Variants in COL5A2 observed in about 807,000 individuals in gnomAD.
The protein encoded by COL5A2 is collagen type V alpha 2 chain.
A neutral mutation model predicts 208.2 loss-of-function variants in COL5A2; 23 were observed. That is an observed-to-expected ratio of 0.11 (90% CI 0.08 to 0.16). COL5A2 has a LOEUF of 0.16. Among genes scored for constraint, COL5A2 ranks in the 10% least tolerant of loss-of-function variants. The pLI is 1.00. For synonymous variants in COL5A2, 625 were observed against 628.5 expected (o/e 0.99, Z 0.08); for missense variants, 1,590 against 1,956.4 (o/e 0.81, Z 3.53).
the COL5A2 span, among the ~76,000 whole-genome samples, chr2:189,351,700 A>T: frequency 6.6e-6 from 1 of 152,212 alleles, no homozygotes; most frequent in Non-Finnish European, 1.5e-5. Flanking sequence ...ACAAAAAGTG[A>T]GATTTTGAGG....
chr2:189,339,783 T>C, the COL5A2 span, among the ~76,000 whole-genome samples: 1 of 152,200 alleles, frequency 6.6e-6, no homozygotes, highest in Admixed American at 6.5e-5. Flanking sequence ...CATCTCATTG[T>C]CCAGATGCAG....
the COL5A2 span, among the ~76,000 whole-genome samples, chr2:189,273,997 T>C: frequency 0.14 from 21,362 of 151,746 alleles, 1,919 homozygotes; most frequent in South Asian, 0.2. Flanking sequence ...CAATTTTAAG[T>C]ATTCTTACCA....
At chr2:189,091,946 C>T (rs1576520903) in intron 7 of COL5A2, among the ~76,000 whole-genome samples, 2 of 152,162 alleles carry the variant, frequency 1.3e-5, no homozygotes, top group East Asian at 1.9e-4. Context: ...GTGGAGGATA[C>T]GGAGCAGATT....
intron 42 of COL5A2, 101 bp from the exon 43 acceptor site, chr2:189,050,777 G>T: frequency 3.1e-6 from 3 of 972,194 alleles, no homozygotes; most frequent in Non-Finnish European, 4.7e-6. Context: ...TTTTCAGTAT[G>T]AAAAAGAAGT....
the COL5A2 span, among the ~76,000 whole-genome samples, chr2:189,364,804 C>T: frequency 6.6e-6 from 1 of 152,024 alleles, no homozygotes; most frequent in African/African-American, 2.4e-5. Flanking sequence ...AAACTGCCAA[C>T]GTCATCAAAA....
At chr2:189,112,738 C>T (rs12693528) in intron 1 of COL5A2, among the ~76,000 whole-genome samples, 108,434 of 152,064 alleles carry the variant, frequency 0.71, 39,620 homozygotes, top group Non-Finnish European at 0.81. Context: ...TCATTTAAAA[C>T]CAAGGGGAAA....
intron 16 of COL5A2, among the ~76,000 whole-genome samples, chr2:189,076,759 T>C (rs555666931): frequency 2.6e-5 from 4 of 152,174 alleles, no homozygotes; most frequent in South Asian, 2.1e-4. Flanking sequence ...ATTCTGAGAT[T>C]TGGCAATAGG....
the COL5A2 span, among the ~76,000 whole-genome samples, chr2:189,258,609 C>T: frequency 4.6e-5 from 7 of 152,270 alleles, no homozygotes; most frequent in South Asian, 1.5e-3. Context: ...TAACTAAGTC[C>T]TGTCCTCAAA....
intron 1 of COL5A2, among the ~76,000 whole-genome samples, chr2:189,141,407 C>T (rs897891459): frequency 2.0e-5 from 3 of 151,952 alleles, no homozygotes; most frequent in Non-Finnish European, 2.9e-5. Flanking sequence ...TTCACAGGGG[C>T]GAAATGATTT....
At chr2:189,239,452 G>A in the COL5A2 span, among the ~76,000 whole-genome samples, 5 of 151,918 alleles carry the variant, frequency 3.3e-5, no homozygotes, top group Non-Finnish European at 7.4e-5. Context: ...AGTGAGGGAA[G>A]GGGACATGGT....
chr2:189,187,656 T>C (rs1688869308), intron 1 of COL5A2, among the ~76,000 whole-genome samples: 2 of 152,168 alleles, frequency 1.3e-5, no homozygotes, highest in Admixed American at 1.3e-4. Flanking sequence ...CTAAAAAACA[T>C]ATAATGTGTC....
the COL5A2 span, among the ~76,000 whole-genome samples, chr2:189,380,049 T>C: frequency 6.6e-6 from 1 of 151,894 alleles, no homozygotes; most frequent in Non-Finnish European, 1.5e-5. Context: ...TATATATATA[T>C]ATATCTCAGC....
intron 1 of COL5A2, among the ~76,000 whole-genome samples, chr2:189,129,997 C>T (rs1307510276): frequency 6.6e-6 from 1 of 151,962 alleles, no homozygotes; most frequent in Middle Eastern, 3.2e-3. Context: ...TCTTTTTGGC[C>T]ATAGAACTAA....
chr2:189,405,680 C>T, the COL5A2 span, among the ~76,000 whole-genome samples: 1 of 152,120 alleles, frequency 6.6e-6, no homozygotes, highest in South Asian at 2.1e-4. Flanking sequence ...GAGAGGTATA[C>T]AACATAAAAC....
In COL5A2 at chr2:189,042,819, T is replaced by C. The variant is rs768514148; in HGVS notation, c.3472-46A>G. 5.2e-6 allele frequency: 8 copies of C among 1,539,494 alleles called. No individual in the cohort carries two copies. In the East Asian group the frequency reaches 1.4e-4, roughly 26 times the overall value. ...AAATGTTGCCAAAATATTTGGATCC[T>C]GCATTGTGCCATTCTCAAAAATGTG... is the stretch of plus-strand genomic sequence containing the variant. On this transcript the variant is annotated intron_variant, in intron 48 of 53. Coordinates refer to ENST00000374866, the MANE Select transcript of COL5A2 (RefSeq NM_000393.5).
chr2:189,380,036 T>TATATATA, the COL5A2 span, among the ~76,000 whole-genome samples: 36 of 150,006 alleles, frequency 2.4e-4, no homozygotes, highest in African/African-American at 8.5e-4. Context: ...GTGAAATATT[T>TATATATA]TATATATATA....
At chr2:189,379,860 G>A in the COL5A2 span, among the ~76,000 whole-genome samples, 129,642 of 152,088 alleles carry the variant, frequency 0.85, 56,436 homozygotes, top group Non-Finnish European at 0.95. Context: ...AATAAGATGA[G>A]GGTTTTTTGT....
the COL5A2 span, among the ~76,000 whole-genome samples, chr2:189,400,577 C>G: frequency 6.6e-6 from 1 of 152,156 alleles, no homozygotes; most frequent in Non-Finnish European, 1.5e-5. Context: ...GTATCTGGAT[C>G]TCTTGAGAGT....
At chr2:189,359,190 A>G in the COL5A2 span, among the ~76,000 whole-genome samples, 2 of 152,138 alleles carry the variant, frequency 1.3e-5, no homozygotes. Context: ...ATTGAGTATG[A>G]TATTAGCTGT....
Sources: gnomAD v4.1 joint callset for allele counts (sites outside exome capture counted in the v4.1 genomes callset) on GRCh38, gnomAD v4.1.1 for gene constraint, MANE v1.5 for transcripts, NCBI Gene and HGNC (gene_info 2026-07-23, HGNC 2026-07-21) for gene names.